The following CHCHD3 variants were observed in gnomAD, a reference collection of about 807,000 sequenced individuals.
CHCHD3 encodes the protein MICOS complex subunit MIC19.
Under a neutral mutation model 38.2 loss-of-function variants are expected in CHCHD3, and 20 were observed. The ratio of observed to expected loss-of-function variants is 0.52; its 90% CI spans 0.37 to 0.76. The LOEUF is 0.76. Ranked by LOEUF, CHCHD3 falls within the 30% of genes least tolerant of loss-of-function variation. The probability of loss-of-function intolerance (pLI) is 0.00; values close to 1 mark genes in which losing one functional copy is unlikely to be tolerated. For synonymous variants in CHCHD3, 82 were observed against 100.0 expected, an observed-to-expected ratio of 0.82 and a Z score of 1.07; for missense variants, 245 against 279.2, an observed-to-expected ratio of 0.88 and a Z score of 0.87.
In CHCHD3 at chr7:132,825,243, T is replaced by TA. The variant is rs35443952; in HGVS notation, c.524+13155dup. Among the ~76,000 whole-genome samples, 17 of 152,126 alleles carry TA rather than the reference T, an allele frequency of 1.1e-4. No individual in the cohort carries two copies. In the South Asian group the frequency reaches 1.2e-3, roughly 11 times the overall value. On this transcript the variant is annotated intron_variant, in intron 6 of 7. Coordinates refer to ENST00000262570, the MANE Select transcript of CHCHD3 (RefSeq NM_017812.4). ...AGCAAAATTGTTGCATTAATATCTTTAAAAAAATAGATATATGCCATTGAG... is the reference window on the plus strand; with the variant it reads ...AGCAAAATTGTTGCATTAATATCTTTAAAAAAAATAGATATATGCCATTGAG...
chr7:132,973,808 T>G (rs758632597), intron 4 of CHCHD3: 1 of 1,102,628 alleles, frequency 9.1e-7, no homozygotes, highest in African/African-American at 1.7e-5. Context: ...AAAGTTTTAG[T>G]GTTTCCCAAT....
At chr7:132,929,684 A>G (rs183128540) in intron 4 of CHCHD3, among the ~76,000 whole-genome samples, 2 of 152,226 alleles carry the variant, frequency 1.3e-5, no homozygotes, top group African/African-American at 4.8e-5. Context: ...ATATCTTGCT[A>G]GTCACTGAGC....
At chr7:132,998,448 G>A (rs6978061) in intron 3 of CHCHD3, among the ~76,000 whole-genome samples, 2,356 of 152,268 alleles carry the variant, frequency 0.015, 58 homozygotes, top group African/African-American at 0.054. Context: ...GGTCTCAGGT[G>A]TGAAATTGAT....
intron 6 of CHCHD3, among the ~76,000 whole-genome samples, chr7:132,809,463 T>C (rs188815967): frequency 0.01 from 1,550 of 152,346 alleles, 16 homozygotes; most frequent in Admixed American, 0.02. Flanking sequence ...AGTGAATGAA[T>C]AGCCTGCAAA....
intron 2 of CHCHD3, among the ~76,000 whole-genome samples, chr7:133,043,603 G>A (rs1192031994): frequency 6.7e-6 from 1 of 149,750 alleles, no homozygotes; most frequent in Non-Finnish European, 1.5e-5. Context: ...CCGAGATAGC[G>A]CCACTGCACT....
intron 2 of CHCHD3, among the ~76,000 whole-genome samples, chr7:133,054,402 C>T (rs994764857): frequency 6.6e-6 from 1 of 152,090 alleles, no homozygotes; most frequent in Non-Finnish European, 1.5e-5. Flanking sequence ...AATGAAGTCC[C>T]AAAGCACATG....
chr7:132,786,636 A>C (rs1394837948), intron 7 of CHCHD3, among the ~76,000 whole-genome samples: 5 of 152,094 alleles, frequency 3.3e-5, no homozygotes, highest in Non-Finnish European at 5.9e-5. Flanking sequence ...GGTTGCCTCT[A>C]GTTTATCCAT....
intron 4 of CHCHD3, among the ~76,000 whole-genome samples, chr7:132,920,849 A>T (rs1439689977): frequency 7.1e-6 from 1 of 139,984 alleles, no homozygotes; most frequent in East Asian, 2.0e-4. Context: ...AGACTGCCTT[A>T]AAAAAAAAAA....
At chr7:132,825,446 A>G (rs1396933702) in intron 6 of CHCHD3, among the ~76,000 whole-genome samples, 2 of 152,214 alleles carry the variant, frequency 1.3e-5, no homozygotes, top group African/African-American at 4.8e-5. Context: ...AAAACCACAA[A>G]TGACTTAAGT....
chr7:132,836,317 G>C (rs757406255), intron 6 of CHCHD3, among the ~76,000 whole-genome samples: 4 of 151,940 alleles, frequency 2.6e-5, no homozygotes, highest in Non-Finnish European at 5.9e-5. Context: ...ATGGAGTTTT[G>C]CCACGTTGCC....
At chr7:132,929,418 G>C (rs7780551) in intron 4 of CHCHD3, among the ~76,000 whole-genome samples, 1 of 152,000 alleles carries the variant, frequency 6.6e-6, no homozygotes, top group Non-Finnish European at 1.5e-5. Flanking sequence ...CTGCTTACAG[G>C]TAAGTATTCT....
chr7:132,918,414 G>C (rs1404071367), intron 4 of CHCHD3, among the ~76,000 whole-genome samples: 1 of 152,212 alleles, frequency 6.6e-6, no homozygotes, highest in Non-Finnish European at 1.5e-5. Flanking sequence ...CACAGTGCGT[G>C]ACACATTTGT....
intron 5 of CHCHD3, among the ~76,000 whole-genome samples, chr7:132,877,948 A>G (rs1808955419): frequency 6.6e-6 from 1 of 152,230 alleles, no homozygotes; most frequent in Admixed American, 6.5e-5. Flanking sequence ...TTGCAGGGCC[A>G]AAATGAGTTA....
intron 4 of CHCHD3, among the ~76,000 whole-genome samples, chr7:132,901,729 A>G (rs919799090): frequency 1.3e-4 from 20 of 152,208 alleles, no homozygotes; most frequent in African/African-American, 3.6e-4. Context: ...TTTGTCAGAT[A>G]AGTAGATTGC....
chr7:132,925,132 A>G (rs148045896), intron 4 of CHCHD3, among the ~76,000 whole-genome samples: 1 of 152,298 alleles, frequency 6.6e-6, no homozygotes, highest in Non-Finnish European at 1.5e-5. Context: ...TCAAAACACA[A>G]AACAATCCTT....
chr7:132,901,181 G>C (rs1400463513), intron 4 of CHCHD3, among the ~76,000 whole-genome samples: 3 of 152,182 alleles, frequency 2.0e-5, no homozygotes, highest in Non-Finnish European at 2.9e-5. Context: ...AAAACCTTCA[G>C]CCTCTGTACA....
At chr7:132,854,568 G>A (rs1808300454) in intron 5 of CHCHD3, among the ~76,000 whole-genome samples, 1 of 152,086 alleles carries the variant, frequency 6.6e-6, no homozygotes, top group African/African-American at 2.4e-5. Flanking sequence ...TGAGAGAGTG[G>A]GGATTAATTT....
chr7:132,841,684 G>A (rs896625533), intron 5 of CHCHD3, among the ~76,000 whole-genome samples: 3 of 152,216 alleles, frequency 2.0e-5, no homozygotes, highest in African/African-American at 7.2e-5. Context: ...CAGTCATGTG[G>A]TGTGGTGGAA....
chr7:132,785,545 C>G lies in CHCHD3; in HGVS notation c.*92G>C. On this transcript the variant is annotated 3_prime_UTR_variant, in exon 8 of 8. Coordinates refer to ENST00000262570, the MANE Select transcript of CHCHD3 (RefSeq NM_017812.4). ...CTTTAGTGGTCTTCTCATTAGTGGT[C>G]TTCTCTTCAAATGGGTTGTTTTCTC... is the stretch of plus-strand genomic sequence containing the variant. The G allele has an allele frequency of 8.0e-7, 1 of 1,256,380 alleles. No homozygotes were observed. The highest frequency in any genetic ancestry group is 1.7e-5 in the Admixed American group (1 of 57,738). The allele number at this position is 1,256,380 out of a possible 1,614,324, so 77.8% of individuals were successfully genotyped here. A position where few individuals can be genotyped will look rare whatever the true frequency, so the allele number is the denominator to read the frequency against.
Sources: gnomAD v4.1 joint callset for allele counts (sites outside exome capture counted in the v4.1 genomes callset) on GRCh38, gnomAD v4.1.1 for gene constraint, MANE v1.5 for transcripts, NCBI Gene and HGNC (gene_info 2026-07-23, HGNC 2026-07-21) for gene names.